Variants in SEC14L1 observed in about 807,000 individuals in gnomAD.
SEC14L1 encodes SEC14-like protein 1.
Under a neutral mutation model 85.3 loss-of-function variants are expected in SEC14L1, and 48 were observed. The observed-to-expected ratio is 0.56, with a 90% CI of 0.45 to 0.72. The LOEUF is 0.72. SEC14L1 is among the 30% of genes least tolerant of loss of function. The pLI is 0.00. For missense variants in SEC14L1, 682 were observed against 921.4 expected, an observed-to-expected ratio of 0.74 and a Z score of 3.36; for synonymous variants, 391 against 355.5, an observed-to-expected ratio of 1.10 and a Z score of -1.12.
intron 8 of SEC14L1, chr17:77,199,380 C>T (rs1394867518): frequency 6.3e-6 from 1 of 158,600 alleles, no homozygotes; most frequent in Non-Finnish European, 1.4e-5. Context: ...TGCTTTTGTT[C>T]TTATTGGCAT....
chr17:77,143,890 G>C (rs1344870554), intron 3 of SEC14L1: 2 of 388,658 alleles, frequency 5.1e-6, no homozygotes, highest in Non-Finnish European at 9.2e-6. Context: ...TGTATGAATT[G>C]AAGTTAATTC....
Position 77,196,959 on chromosome 17 carries a change from C to T in SEC14L1, c.819+648C>T, listed in dbSNP as rs545580357. Among the ~76,000 whole-genome samples the T allele has an allele frequency of 3.0e-4, 45 of 152,244 alleles. 1 individual carries two copies. Among genetic ancestry groups the T allele is most frequent in the Admixed American group, 3.9e-4 (6 of 15,296 alleles). Reference sequence around the variant, plus strand: ...TTTTCAGGTCTTTATTCCATCCTTCCGGCAGCTCTCTCTGCTGCTGTTTTT... The same window carrying T: ...TTTTCAGGTCTTTATTCCATCCTTCTGGCAGCTCTCTCTGCTGCTGTTTTT... On this transcript the variant is annotated intron_variant, in intron 8 of 16. Transcript: ENST00000436233.
At chr17:77,125,226 A>T (rs1248326037) in intron 3 of SEC14L1, among the ~76,000 whole-genome samples, 2 of 151,814 alleles carry the variant, frequency 1.3e-5, no homozygotes, top group African/African-American at 4.8e-5. Context: ...CGAACTCCTG[A>T]CCTCAAATGA....
At chr17:77,193,677 C>A in intron 6 of SEC14L1, 128 bp downstream of exon 6, 1 of 958,510 alleles carries the variant, frequency 1.0e-6, no homozygotes, top group Non-Finnish European at 1.6e-6. Flanking sequence ...TGCTATGATC[C>A]CTACCCCCTG....
At chr17:77,169,363 A>G (rs115560021) in intron 3 of SEC14L1, among the ~76,000 whole-genome samples, 1,939 of 152,282 alleles carry the variant, frequency 0.013, 57 homozygotes, top group African/African-American at 0.044. Flanking sequence ...GGGAATAGCA[A>G]TGAGAGAGTC....
At chr17:77,160,657 G>A (rs1974015706) in intron 3 of SEC14L1, among the ~76,000 whole-genome samples, 2 of 152,312 alleles carry the variant, frequency 1.3e-5, no homozygotes, top group East Asian at 1.9e-4. Context: ...TTAAAGATGT[G>A]TATACCTCCA....
intron 9 of SEC14L1, among the ~76,000 whole-genome samples, chr17:77,201,579 T>C (rs1275212430): frequency 6.6e-6 from 1 of 151,582 alleles, no homozygotes; most frequent in Non-Finnish European, 1.5e-5. Context: ...GCCTCCCGAG[T>C]AGTTGGGACT....
Position 77,097,233 on chromosome 17 carries a change from A to G in SEC14L1, c.-136+3886A>G, listed in dbSNP as rs569587318. Among the ~76,000 whole-genome samples, 130 of 152,360 alleles carry G rather than the reference A, an allele frequency of 8.5e-4. 1 individual carries two copies. The South Asian group carries it at 0.026, about 31-fold the overall frequency. Reference sequence around the variant, plus strand: ...AACTTGAAATTGACAGGTACTTATCAAGACCAAACAAAGTTTGCACAAAGC... The same window carrying G: ...AACTTGAAATTGACAGGTACTTATCGAGACCAAACAAAGTTTGCACAAAGC... On this transcript the variant is annotated intron_variant, in intron 3 of 19. Transcript: ENST00000392476.
At chr17:77,178,059 C>CG (rs1166291335) in intron 3 of SEC14L1, among the ~76,000 whole-genome samples, 1 of 146,060 alleles carries the variant, frequency 6.8e-6, no homozygotes, top group Non-Finnish European at 1.5e-5. Flanking sequence ...TTCCCCTCCC[C>CG]CCCCCCTTTT....
At chr17:77,103,851 A>G (rs1175875688) in intron 3 of SEC14L1, among the ~76,000 whole-genome samples, 2 of 150,526 alleles carry the variant, frequency 1.3e-5, no homozygotes, top group Non-Finnish European at 3.0e-5. Context: ...TACAATGCAC[A>G]GCGGGAAGAC....
chr17:77,171,801 T>A (rs925120056), intron 3 of SEC14L1, among the ~76,000 whole-genome samples: 3 of 152,268 alleles, frequency 2.0e-5, no homozygotes, highest in Non-Finnish European at 4.4e-5. Flanking sequence ...CTCCGTTTAC[T>A]ACTGAGTACC....
intron 3 of SEC14L1, among the ~76,000 whole-genome samples, chr17:77,162,342 T>TTCAG (rs891485402): frequency 6.6e-6 from 1 of 152,214 alleles, no homozygotes; most frequent in African/African-American, 2.4e-5. Context: ...TGGGCAACCC[T>TTCAG]TCAGTGCAAG....
At chr17:77,162,635 G>A (rs1056048496) in intron 3 of SEC14L1, among the ~76,000 whole-genome samples, 10 of 152,040 alleles carry the variant, frequency 6.6e-5, no homozygotes, top group Admixed American at 5.2e-4. Context: ...GAGTTCGAGA[G>A]CAGCATGACC....
intron 3 of SEC14L1, among the ~76,000 whole-genome samples, chr17:77,124,298 C>A (rs980348071): frequency 6.6e-6 from 1 of 152,242 alleles, no homozygotes; most frequent in South Asian, 2.1e-4. Context: ...CAGGAGGTCG[C>A]GTCTGCAGTG....
chr17:77,129,138 A>G (rs912766693), intron 3 of SEC14L1, among the ~76,000 whole-genome samples: 1 of 152,188 alleles, frequency 6.6e-6, no homozygotes, highest in Non-Finnish European at 1.5e-5. Flanking sequence ...TGTACAGAAC[A>G]TTCCGGAGGC....
chr17:77,160,828 GACA>G (rs1241989413), intron 3 of SEC14L1, among the ~76,000 whole-genome samples: 1 of 151,236 alleles, frequency 6.6e-6, no homozygotes. Context: ...ATTTTTTGTG[GACA>G]ACAAATAATA....
upstream of SEC14L1, chr17:77,140,703 G>A (rs1972960370): frequency 6.7e-6 from 1 of 149,628 alleles, no homozygotes. Context: ...AAAACTGGGA[G>A]GGGCCACGAG....
chr17:77,152,643 C>T (rs544323273), intron 3 of SEC14L1: 1 of 152,224 alleles, frequency 6.6e-6, no homozygotes, highest in Admixed American at 6.5e-5. Flanking sequence ...GGGTAAACCT[C>T]ACTGACTATG....
chr17:77,145,869 C>T (rs74395560), intron 3 of SEC14L1, among the ~76,000 whole-genome samples: 106 of 152,262 alleles, frequency 7.0e-4, no homozygotes, highest in East Asian at 5.6e-3. Flanking sequence ...CCTTCTACCC[C>T]GCCACCAGCT....
Sources: allele counts gnomAD v4.1 joint callset (sites outside exome capture counted in the v4.1 genomes callset), GRCh38; gene constraint gnomAD v4.1.1; transcripts MANE v1.5; gene names NCBI Gene and HGNC (gene_info 2026-07-23, HGNC 2026-07-21).